The following PCDH9 variants were observed in gnomAD, a reference collection of about 807,000 sequenced individuals.
PCDH9 encodes protocadherin 9, also known as protocadherin-9.
PCDH9 carries 24 observed loss-of-function variants against 70.6 expected under a neutral mutation model. The observed-to-expected ratio is 0.34, with a 90% CI of 0.25 to 0.48. The LOEUF is 0.48. Ranked by LOEUF, PCDH9 falls within the 20% of genes least tolerant of loss-of-function variation. The pLI is 0.99. For missense variants in PCDH9, 1,281 were observed against 1,503.6 expected, an observed-to-expected ratio of 0.85 and a Z score of 2.45; for synonymous variants, 562 against 558.5, an observed-to-expected ratio of 1.01 and a Z score of -0.09.
At chr13:66,351,620 G>T (rs532871694) in intron 4 of PCDH9, among the ~76,000 whole-genome samples, 1 of 151,984 alleles carries the variant, frequency 6.6e-6, no homozygotes, top group Admixed American at 6.6e-5. Flanking sequence ...CCTTATTTAA[G>T]TTTCAAAATA....
At chr13:66,717,088 T>A (rs2078874116) in intron 3 of PCDH9, among the ~76,000 whole-genome samples, 1 of 152,026 alleles carries the variant, frequency 6.6e-6, no homozygotes, top group African/African-American at 2.4e-5. Context: ...TTATCTAATT[T>A]TATTTATTTT....
intron 4 of PCDH9, among the ~76,000 whole-genome samples, chr13:66,330,721 G>A (rs1020709052): frequency 7.2e-5 from 11 of 151,994 alleles, no homozygotes; most frequent in African/African-American, 2.7e-4. Flanking sequence ...TGTTTTATTT[G>A]TACTTGAGAG....
intron 2 of PCDH9, among the ~76,000 whole-genome samples, chr13:67,123,689 C>T (rs937316117): frequency 6.6e-6 from 1 of 151,814 alleles, no homozygotes. Context: ...CATAATTTTG[C>T]CATTTCATTC....
At chr13:66,805,618 C>G (rs1271768583) in intron 3 of PCDH9, among the ~76,000 whole-genome samples, 1 of 152,062 alleles carries the variant, frequency 6.6e-6, no homozygotes, top group African/African-American at 2.4e-5. Context: ...AGGTACTTGT[C>G]CACTGGGACT....
At chr13:66,874,997 A>C (rs1193583190) in intron 3 of PCDH9, among the ~76,000 whole-genome samples, 1 of 151,192 alleles carries the variant, frequency 6.6e-6, no homozygotes, top group Non-Finnish European at 1.5e-5. Flanking sequence ...AGGGAGGAGG[A>C]GATAATGAGA....
intron 2 of PCDH9, among the ~76,000 whole-genome samples, chr13:67,086,554 C>G (rs867547369): frequency 6.6e-6 from 1 of 152,054 alleles, no homozygotes; most frequent in African/African-American, 2.4e-5. Context: ...AAAGTGCAAC[C>G]AGGAAACGAA....
chr13:66,602,667 A>T (rs2077177745), intron 4 of PCDH9, among the ~76,000 whole-genome samples: 1 of 145,756 alleles, frequency 6.9e-6, no homozygotes, highest in African/African-American at 2.5e-5. Flanking sequence ...AAGAAAAAAA[A>T]TTTAAATAAG....
rs140709811 is a variant in PCDH9 at position 66,649,777 on chromosome 13, C to A, written c.3139-18366G>T. ...GTCACATTTCAAGACATCAATGGTA[C>A]AAAAAGATATAAATAGAAAAAACAA... On this transcript the variant is annotated intron_variant, in intron 3 of 4. Transcript: ENST00000377865. 1.4e-3 allele frequency among the ~76,000 whole-genome samples: 211 copies of A among 151,718 alleles called. 1 individual carries two copies. The highest frequency in any genetic ancestry group is 5.0e-3 in the African/African-American group (208 of 41,428).
chr13:66,812,221 A>C (rs2139363490), intron 3 of PCDH9, among the ~76,000 whole-genome samples: 1 of 152,324 alleles, frequency 6.6e-6, no homozygotes, highest in Middle Eastern at 3.4e-3. Flanking sequence ...TTAATGGAAG[A>C]AAAGGCAGTG....
chr13:67,172,877 CAA>C (rs11407365), intron 2 of PCDH9, among the ~76,000 whole-genome samples: 2 of 99,114 alleles, frequency 2.0e-5, no homozygotes, highest in African/African-American at 8.7e-5. Flanking sequence ...GACTCCATCT[CAA>C]AAAAAAAAAA....
intron 2 of PCDH9, among the ~76,000 whole-genome samples, chr13:67,121,215 G>T (rs553811586): frequency 2.2e-4 from 33 of 151,920 alleles, no homozygotes; most frequent in Non-Finnish European, 4.4e-4. Flanking sequence ...GAGTTGATGT[G>T]CATTATAAAT....
At chr13:66,683,232 T>G (rs780661867) in intron 3 of PCDH9, among the ~76,000 whole-genome samples, 2 of 152,152 alleles carry the variant, frequency 1.3e-5, no homozygotes, top group African/African-American at 2.4e-5. Flanking sequence ...CAGGCACTCA[T>G]AAACTATCTG....
chr13:66,815,903 C>G (rs980471221), intron 3 of PCDH9, among the ~76,000 whole-genome samples: 1 of 152,056 alleles, frequency 6.6e-6, no homozygotes, highest in Non-Finnish European at 1.5e-5. Context: ...ACATGCACCC[C>G]GAACCTAACA....
chr13:66,981,066 CA>C (rs775669408), intron 2 of PCDH9, among the ~76,000 whole-genome samples: 11 of 151,948 alleles, frequency 7.2e-5, no homozygotes, highest in Non-Finnish European at 1.2e-4. Flanking sequence ...TAGCTATTAA[CA>C]GAATACACAA....
rs550832865 is a variant in PCDH9 at position 66,308,736 on chromosome 13, A to G, written c.3341-3708T>C. 2.0e-5 allele frequency among the ~76,000 whole-genome samples: 3 copies of G among 152,116 alleles called. No homozygotes were observed. The East Asian group carries it at 5.8e-4, about 29-fold the overall frequency. ...AACCAGGTAAAAACAGCAATGTCAAATTATCTAGTATCAAAGCATTTGCTT... is the reference window on the plus strand; with the variant it reads ...AACCAGGTAAAAACAGCAATGTCAAGTTATCTAGTATCAAAGCATTTGCTT... On this transcript the variant is annotated intron_variant, in intron 4 of 4. Transcript: ENST00000377865.
At chr13:66,564,517 A>G (rs2076624210) in intron 4 of PCDH9, among the ~76,000 whole-genome samples, 2 of 152,082 alleles carry the variant, frequency 1.3e-5, no homozygotes, top group South Asian at 4.2e-4. Flanking sequence ...TTTTTTTTAA[A>G]TATGGGAGGA....
At chr13:66,370,240 T>G (rs1301147018) in intron 4 of PCDH9, among the ~76,000 whole-genome samples, 1 of 151,978 alleles carries the variant, frequency 6.6e-6, no homozygotes, top group Non-Finnish European at 1.5e-5. Context: ...TTAAATGTAA[T>G]AATCTAGAAA....
chr13:67,083,311 T>C (rs1396319229), intron 2 of PCDH9, among the ~76,000 whole-genome samples: 1 of 152,208 alleles, frequency 6.6e-6, no homozygotes, highest in Non-Finnish European at 1.5e-5. Flanking sequence ...CTTGAAAACA[T>C]AACTGGGTTA....
At chr13:66,495,856 G>A (rs760507711) in intron 4 of PCDH9, among the ~76,000 whole-genome samples, 3 of 152,062 alleles carry the variant, frequency 2.0e-5, no homozygotes, top group Non-Finnish European at 4.4e-5. Flanking sequence ...TGCCCAAATC[G>A]TGACTCTGCC....
Sources: allele counts gnomAD v4.1 joint callset (sites outside exome capture counted in the v4.1 genomes callset), GRCh38; gene constraint gnomAD v4.1.1; transcripts MANE v1.5; gene names NCBI Gene and HGNC (gene_info 2026-07-23, HGNC 2026-07-21).